Variants in PPP4R3A observed in about 807,000 individuals in gnomAD.
PPP4R3A encodes the protein protein phosphatase 4 regulatory subunit 3A.
PPP4R3A carries 15 observed loss-of-function variants against 91.7 expected under a neutral mutation model. That is an observed-to-expected ratio of 0.16 (90% CI 0.11 to 0.25). The LOEUF is 0.25. PPP4R3A is among the 10% of genes least tolerant of loss of function. PPP4R3A has a pLI of 1.00. For missense variants in PPP4R3A, 623 were observed against 998.4 expected, an observed-to-expected ratio of 0.62 and a Z score of 5.07; for synonymous variants, 377 against 348.7, an observed-to-expected ratio of 1.08 and a Z score of -0.91.
chr14:91,472,609 C>G (rs1888920289), intron 9 of PPP4R3A, among the ~76,000 whole-genome samples: 1 of 151,886 alleles, frequency 6.6e-6, no homozygotes, highest in Non-Finnish European at 1.5e-5. Flanking sequence ...GACCACAAGG[C>G]ACCTGCCACC....
chr14:91,473,500 A>G (rs906154286), intron 7 of PPP4R3A, 130 bp from the exon 8 acceptor site: 12 of 953,786 alleles, frequency 1.3e-5, no homozygotes, highest in Non-Finnish European at 1.8e-5. Flanking sequence ...GAAATGTTTA[A>G]CTCAGTTATC....
chr14:91,496,224 G>A (rs1890562261), intron 1 of PPP4R3A, among the ~76,000 whole-genome samples: 1 of 152,072 alleles, frequency 6.6e-6, no homozygotes, highest in African/African-American at 2.4e-5. Context: ...TTTTTTCAAT[G>A]GTGTGCTGGT....
chr14:91,485,139 A>C (rs1310563876), intron 3 of PPP4R3A, among the ~76,000 whole-genome samples: 1 of 152,262 alleles, frequency 6.6e-6, no homozygotes, highest in Admixed American at 6.5e-5. Flanking sequence ...TAGGAAGATC[A>C]GTCAAGACAA....
chr14:91,476,186 A>C lies in PPP4R3A; in HGVS notation c.1111-220T>G, dbSNP rs573191248. Among the ~76,000 whole-genome samples the C allele has an allele frequency of 5.3e-5, 8 of 152,348 alleles. No homozygotes were observed. In the South Asian group the frequency reaches 1.7e-3, roughly 32 times the overall value. On this transcript the variant is annotated intron_variant, in intron 6 of 14. Coordinates refer to ENST00000554943, the MANE Select transcript of PPP4R3A (RefSeq NM_001366432.2). ...TTAACATTTCAGCTAATAAGCTGCAAAGCTGACAAACTATCATTAAATTAT... is the reference window on the plus strand; with the variant it reads ...TTAACATTTCAGCTAATAAGCTGCACAGCTGACAAACTATCATTAAATTAT...
Position 91,485,619 on chromosome 14 carries a change from T to A in PPP4R3A, c.297+13A>T. On this transcript the variant is annotated intron_variant, in intron 3 of 14. Transcript: ENST00000554943. ...TAAAGAAAGCATGTTGATTTTTTTA[T>A]TTAAAAAATTACCTGACATATTTTC... The A allele has an allele frequency of 6.3e-7, 1 of 1,574,996 alleles. No individual in the cohort carries two copies. Among genetic ancestry groups the A allele is most frequent in the East Asian group, 2.2e-5 (1 of 44,604 alleles).
At chr14:91,496,391 C>T (rs1881856310) in intron 1 of PPP4R3A, among the ~76,000 whole-genome samples, 2 of 152,272 alleles carry the variant, frequency 1.3e-5, no homozygotes, top group Middle Eastern at 3.4e-3. Context: ...AAGAAACACA[C>T]GCCTGATTTT....
intron 1 of PPP4R3A, among the ~76,000 whole-genome samples, chr14:91,502,555 C>T (rs544560671): frequency 2.0e-5 from 3 of 152,330 alleles, no homozygotes; most frequent in African/African-American, 7.2e-5. Flanking sequence ...TCTCTCACAG[C>T]TCTTACCCCC....
At chr14:91,468,093 C>G (rs1888588330) in intron 10 of PPP4R3A, among the ~76,000 whole-genome samples, 1 of 152,078 alleles carries the variant, frequency 6.6e-6, no homozygotes. Context: ...ACTTATATAT[C>G]CTCAACCCTG....
At position 91,473,151 on chromosome 14, in the gene PPP4R3A, C is replaced by T. The variant is rs1210555250; in HGVS notation, c.1399-16G>A. The T allele has an allele frequency of 2.5e-6, 4 of 1,613,680 alleles. No homozygotes were observed. The highest frequency in any genetic ancestry group is 2.5e-6 in the Non-Finnish European group (3 of 1,179,816). On this transcript the variant is annotated splice_polypyrimidine_tract_variant and intron_variant, in intron 8 of 14. Coordinates refer to ENST00000554943, the MANE Select transcript of PPP4R3A (RefSeq NM_001366432.2). ...TTTCTGTTTTCTAAGGAAACAAGAA[C>T]AATTCCATGAACTTTAACCACACTG...
intron 9 of PPP4R3A, among the ~76,000 whole-genome samples, chr14:91,472,240 C>T (rs1296200775): frequency 6.6e-6 from 1 of 152,022 alleles, no homozygotes; most frequent in South Asian, 2.1e-4. Context: ...AACATATCTT[C>T]AATATAAATA....
At chr14:91,460,024 T>C (rs1410580080) in intron 14 of PPP4R3A, among the ~76,000 whole-genome samples, 1 of 152,032 alleles carries the variant, frequency 6.6e-6, no homozygotes, top group African/African-American at 2.4e-5. Flanking sequence ...GCTTTATTTA[T>C]TTTTTGAGAT....
intron 7 of PPP4R3A, chr14:91,474,912 TATAAAA>T (rs772258084): frequency 3.3e-5 from 5 of 152,236 alleles, no homozygotes; most frequent in Non-Finnish European, 7.3e-5. Flanking sequence ...TATCCTGCAC[TATAAAA>T]ATAAAAACTT....
chr14:91,496,834 A>G (rs1890602824), intron 1 of PPP4R3A, among the ~76,000 whole-genome samples: 1 of 152,200 alleles, frequency 6.6e-6, no homozygotes, highest in Non-Finnish European at 1.5e-5. Flanking sequence ...AAAAGACACA[A>G]TACTAGGTTT....
intron 1 of PPP4R3A, among the ~76,000 whole-genome samples, chr14:91,493,396 G>C (rs1890345089): frequency 6.6e-6 from 1 of 150,786 alleles, no homozygotes; most frequent in South Asian, 2.1e-4. Flanking sequence ...TCAAGAGACA[G>C]GCAGGAGGAT....
intron 10 of PPP4R3A, among the ~76,000 whole-genome samples, chr14:91,468,088 T>C (rs938121310): frequency 2.6e-5 from 4 of 152,174 alleles, no homozygotes; most frequent in East Asian, 1.9e-4. Context: ...AAGATACTTA[T>C]ATATCCTCAA....
At chr14:91,463,233 T>C (rs550058377) in intron 11 of PPP4R3A, among the ~76,000 whole-genome samples, 24 of 150,562 alleles carry the variant, frequency 1.6e-4, no homozygotes, top group Non-Finnish European at 3.0e-4. Flanking sequence ...GCCTGGCTAA[T>C]TTTGTATTTT....
intron 11 of PPP4R3A, among the ~76,000 whole-genome samples, chr14:91,463,134 C>A (rs1030123708): frequency 6.6e-6 from 1 of 151,910 alleles, no homozygotes; most frequent in South Asian, 2.1e-4. Flanking sequence ...GGCATGATCT[C>A]GGCTCACTGC....
At position 91,503,293 on chromosome 14, in the gene PPP4R3A, A is replaced by AT. The variant is rs11333893; in HGVS notation, c.142+6212dup. Reference sequence around the variant, plus strand: ...ATGTGGGCCACTGTGCCCGAGCTACATTTTTTTTTTTTCTGAGACAGGGTC... The same window carrying AT: ...ATGTGGGCCACTGTGCCCGAGCTACATTTTTTTTTTTTTCTGAGACAGGGTC... On this transcript the variant is annotated intron_variant, in intron 1 of 14. Transcript: ENST00000554943. Among the ~76,000 whole-genome samples, 237 of 148,442 alleles carry AT rather than the reference A, an allele frequency of 1.6e-3. 2 individuals carry two copies. The highest frequency in any genetic ancestry group is 7.0e-3 in the Middle Eastern group (2 of 286).
At chr14:91,467,350 G>T (rs575486942) in intron 10 of PPP4R3A, among the ~76,000 whole-genome samples, 1 of 152,106 alleles carries the variant, frequency 6.6e-6, no homozygotes, top group African/African-American at 2.4e-5. Context: ...CACTGCCATT[G>T]GATTTTCAAT....
Sources: gnomAD v4.1 joint callset for allele counts (sites outside exome capture counted in the v4.1 genomes callset) on GRCh38, gnomAD v4.1.1 for gene constraint, MANE v1.5 for transcripts, NCBI Gene and HGNC (gene_info 2026-07-23, HGNC 2026-07-21) for gene names.